PTPRM: variants seen among roughly 807,000 people sequenced by gnomAD.
The protein encoded by PTPRM is receptor-type tyrosine-protein phosphatase mu.
Under a neutral mutation model 186.7 loss-of-function variants are expected in PTPRM, and 47 were observed. The observed-to-expected ratio is 0.25, with a 90% CI of 0.20 to 0.32. The LOEUF (loss-of-function observed/expected upper bound fraction) is 0.32. Among genes scored for constraint, PTPRM ranks in the 10% least tolerant of loss-of-function variants. PTPRM has a pLI of 1.00. For synonymous variants in PTPRM, 668 were observed against 674.9 expected, an observed-to-expected ratio of 0.99 and a Z score of 0.16; for missense variants, 1,494 against 1,865.0, an observed-to-expected ratio of 0.80 and a Z score of 3.66.
At chr18:8,105,689 G>T (rs1246547565) in intron 11 of PTPRM, among the ~76,000 whole-genome samples, 1 of 152,148 alleles carries the variant, frequency 6.6e-6, no homozygotes, top group Non-Finnish European at 1.5e-5. Context: ...GGCCCCCAGT[G>T]CTGAGGGCGG....
intron 1 of PTPRM, among the ~76,000 whole-genome samples, chr18:7,655,367 A>G (rs760067493): frequency 6.6e-6 from 1 of 152,234 alleles, no homozygotes; most frequent in East Asian, 1.9e-4. Context: ...ACCTACACAC[A>G]TGTTAGAATG....
chr18:8,119,181 A>C (rs1367139062), intron 13 of PTPRM, among the ~76,000 whole-genome samples: 1 of 152,168 alleles, frequency 6.6e-6, no homozygotes, highest in Non-Finnish European at 1.5e-5. Flanking sequence ...AATATGGCTT[A>C]TTGGAAGACC....
chr18:7,764,575 T>C (rs2041932706), intron 1 of PTPRM, among the ~76,000 whole-genome samples: 1 of 152,176 alleles, frequency 6.6e-6, no homozygotes, highest in Admixed American at 6.5e-5. Context: ...TTAGAGTGCA[T>C]TGGAGCCACC....
chr18:7,707,684 T>C (rs1391425479), intron 1 of PTPRM, among the ~76,000 whole-genome samples: 2 of 152,150 alleles, frequency 1.3e-5, no homozygotes, highest in Non-Finnish European at 2.9e-5. Context: ...TCTCATACTT[T>C]ATAAGATATG....
intron 7 of PTPRM, among the ~76,000 whole-genome samples, chr18:7,974,048 CGAG>C (rs2054763926): frequency 6.6e-6 from 1 of 151,594 alleles, no homozygotes; most frequent in East Asian, 1.9e-4. Flanking sequence ...CAATGATGCG[CGAG>C]GAGAATGGTC....
intron 5 of PTPRM, among the ~76,000 whole-genome samples, chr18:7,948,552 A>T (rs987975587): frequency 6.6e-6 from 1 of 152,294 alleles, no homozygotes. Flanking sequence ...AACTTTGTTT[A>T]TGTGGTCCTG....
At chr18:7,637,305 G>T (rs1314857607) in intron 1 of PTPRM, among the ~76,000 whole-genome samples, 1 of 151,676 alleles carries the variant, frequency 6.6e-6, no homozygotes, top group African/African-American at 2.4e-5. Flanking sequence ...ATTTTGTTTG[G>T]TCAGGCTTTT....
At chr18:7,789,020 A>G (rs1345221440) in intron 2 of PTPRM, among the ~76,000 whole-genome samples, 3 of 152,130 alleles carry the variant, frequency 2.0e-5, no homozygotes. Context: ...ATTGTATCCT[A>G]CCAGATAAAG....
chr18:7,756,605 ATT>A (rs1477641957), intron 1 of PTPRM, among the ~76,000 whole-genome samples: 1 of 152,186 alleles, frequency 6.6e-6, no homozygotes, highest in Non-Finnish European at 1.5e-5. Flanking sequence ...TAGAGATGCA[ATT>A]TACTTATGTA....
chr18:7,606,438 G>A (rs755834767), intron 1 of PTPRM, among the ~76,000 whole-genome samples: 16 of 152,134 alleles, frequency 1.1e-4, no homozygotes, highest in Non-Finnish European at 1.9e-4. Context: ...CTGTGCGGTT[G>A]GAGAGCTTCT....
intron 1 of PTPRM, among the ~76,000 whole-genome samples, chr18:7,609,591 A>G (rs1442613157): frequency 6.6e-6 from 1 of 150,588 alleles, no homozygotes; most frequent in Non-Finnish European, 1.5e-5. Flanking sequence ...GTTTAAGAAG[A>G]TATTTACTGT....
intron 7 of PTPRM, among the ~76,000 whole-genome samples, chr18:7,970,892 AT>A (rs1332284058): frequency 2.7e-5 from 3 of 113,148 alleles, no homozygotes; most frequent in Admixed American, 9.4e-5. Context: ...GCCCAAGGTA[AT>A]TTACAGATTC....
At chr18:7,940,535 G>A (rs1054801872) in intron 5 of PTPRM, among the ~76,000 whole-genome samples, 1 of 152,140 alleles carries the variant, frequency 6.6e-6, no homozygotes, top group Non-Finnish European at 1.5e-5. Context: ...ATTCTAGGAG[G>A]AGGAAGAGGT....
At chr18:7,823,897 A>G (rs992441022) in intron 2 of PTPRM, among the ~76,000 whole-genome samples, 1 of 152,112 alleles carries the variant, frequency 6.6e-6, no homozygotes, top group African/African-American at 2.4e-5. Context: ...CTGTACATCT[A>G]TCCTACTAGT....
chr18:7,718,295 AATAC>A (rs2040381735), intron 1 of PTPRM, among the ~76,000 whole-genome samples: 1 of 152,172 alleles, frequency 6.6e-6, no homozygotes, highest in African/African-American at 2.4e-5. Flanking sequence ...AAAGCATATA[AATAC>A]ATAAAGTGGG....
intron 13 of PTPRM, among the ~76,000 whole-genome samples, chr18:8,120,327 C>A (rs1390629771): frequency 1.3e-5 from 2 of 151,632 alleles, no homozygotes; most frequent in African/African-American, 4.8e-5. Context: ...TTATAATATA[C>A]TTTTTACATG....
chr18:7,839,381 C>T (rs1045062919), intron 2 of PTPRM, among the ~76,000 whole-genome samples: 1 of 145,016 alleles, frequency 6.9e-6, no homozygotes, highest in African/African-American at 2.9e-5. Context: ...TATTCAGAAC[C>T]CTTGGACTCT....
intron 1 of PTPRM, among the ~76,000 whole-genome samples, chr18:7,705,841 T>C (rs1462904922): frequency 6.6e-6 from 1 of 151,580 alleles, no homozygotes; most frequent in East Asian, 1.9e-4. Flanking sequence ...CTACAAGTGC[T>C]TTCTCTAAGA....
intron 14 of PTPRM, among the ~76,000 whole-genome samples, chr18:8,240,777 G>GGAGAGGGA (rs2094420245): frequency 1.7e-5 from 1 of 57,366 alleles, no homozygotes; most frequent in Admixed American, 1.9e-4. Context: ...AGAGAGAGAG[G>GGAGAGGGA]GAGAGAGAGA....
Sources: allele counts gnomAD v4.1 joint callset (sites outside exome capture counted in the v4.1 genomes callset), GRCh38; gene constraint gnomAD v4.1.1; transcripts MANE v1.5; gene names NCBI Gene and HGNC (gene_info 2026-07-23, HGNC 2026-07-21).